MCM6: variants seen among roughly 807,000 people sequenced by gnomAD.
The protein encoded by MCM6 is DNA replication licensing factor MCM6.
In MCM6, 46 loss-of-function variants were observed where a neutral mutation model predicts 94.3. That is an observed-to-expected ratio of 0.49 (90% confidence interval 0.39 to 0.62). The LOEUF (loss-of-function observed/expected upper bound fraction) is 0.62. MCM6 is among the 20% of genes least tolerant of loss of function. The pLI is 0.00. For synonymous variants in MCM6, 335 were observed against 351.9 expected (o/e 0.95, Z 0.54); for missense variants, 865 against 1,017.9 (o/e 0.85, Z 2.04).
chr2:135,863,544 G>A (rs917759469), intron 7 of MCM6, among the ~76,000 whole-genome samples: 8 of 151,914 alleles, frequency 5.3e-5, no homozygotes, highest in Non-Finnish European at 1.2e-4. Flanking sequence ...CAGGCAACAC[G>A]GTAAAACCCC....
At chr2:135,876,097 C>T (rs879581205) in intron 1 of MCM6, among the ~76,000 whole-genome samples, 162 bp downstream of exon 1, 16 of 152,308 alleles carry the variant, frequency 1.1e-4, no homozygotes, top group Non-Finnish European at 1.6e-4. Context: ...AGGCTCCTCG[C>T]GGCCGCCGGG....
chr2:135,863,390 A>C (rs1680030128), intron 7 of MCM6, among the ~76,000 whole-genome samples: 2 of 152,220 alleles, frequency 1.3e-5, no homozygotes, highest in East Asian at 3.8e-4. Context: ...AGTGCTATGC[A>C]AAGTTACACA....
At chr2:135,874,594 GCAAA>G (rs1376701966) in intron 1 of MCM6, among the ~76,000 whole-genome samples, 1 of 152,188 alleles carries the variant, frequency 6.6e-6, no homozygotes, top group Non-Finnish European at 1.5e-5. Context: ...GAATGGATAA[GCAAA>G]ATGCAGTATA....
chr2:135,866,522 G>A (rs370882639), intron 5 of MCM6, 41 bp downstream of exon 5: 2 of 1,579,608 alleles, frequency 1.3e-6, no homozygotes, highest in South Asian at 1.2e-5. Flanking sequence ...TGCAGTTTAG[G>A]TAACTGAGAA....
chr2:135,845,059 GC>G (rs1300688798), intron 15 of MCM6, among the ~76,000 whole-genome samples: 3 of 152,192 alleles, frequency 2.0e-5, no homozygotes, highest in African/African-American at 7.2e-5. Context: ...TGAAGCAACA[GC>G]AAGCAAAAAT....
intron 1 of MCM6, among the ~76,000 whole-genome samples, chr2:135,875,032 G>A (rs1680269510): frequency 1.3e-5 from 2 of 152,174 alleles, no homozygotes. Flanking sequence ...GGGTAACGGA[G>A]GAGAGTTCGT....
In MCM6 at chr2:135,876,244, C is replaced by A. The variant is rs1472186748; in HGVS notation, c.107+15G>T. ...CTCCGGAGGCGGGCGAGGCCCGGGGCGCTCGCCGACTTACTCCTCCAAGAA... is the reference window on the plus strand; with the variant it reads ...CTCCGGAGGCGGGCGAGGCCCGGGGAGCTCGCCGACTTACTCCTCCAAGAA... On this transcript the variant is annotated intron_variant, in intron 1 of 16. Transcript: ENST00000264156. 1.3e-6 allele frequency: 2 copies of A among 1,574,302 alleles called. No homozygotes were observed. The highest frequency in any genetic ancestry group is 1.7e-6 in the Non-Finnish European group (2 of 1,164,096).
Position 135,857,924 on chromosome 2 carries a change from G to GCTTTA in MCM6, c.1442_1443insTAAAG (p.Ile482LysfsTer10). ...TCACTCCTGCTTTAGTGATGGATAT[G>GCTTTA]GTCTGCTGTTCCATAGCTTCATGAA... On this transcript the variant is annotated frameshift_variant, in exon 10 of 17. Transcript: ENST00000264156. LOFTEE classifies it high-confidence loss of function. 6.2e-7 allele frequency: 1 copy of GCTTTA among 1,613,882 alleles called. No individual in the cohort carries two copies. Among genetic ancestry groups the GCTTTA allele is most frequent in the East Asian group, 2.2e-5 (1 of 44,886 alleles).
Position 135,859,461 on chromosome 2 carries a change from TA to T in MCM6, c.1221-20del, listed in dbSNP as rs757738033. The T allele has an allele frequency of 6.3e-7, 1 of 1,578,148 alleles. No individual in the cohort carries two copies. The highest frequency in any genetic ancestry group is 1.1e-5 in the South Asian group (1 of 87,160). ...CACGTGCCTGTTCAAGGTTATCACA[TA>T]AAGACTCATTAATATGTGATTATAC... On this transcript the variant is annotated intron_variant, in intron 8 of 16. Coordinates refer to ENST00000264156, the MANE Select transcript of MCM6 (RefSeq NM_005915.6).
At chr2:135,865,990 T>C in intron 6 of MCM6, 142 bp downstream of exon 6, 2 of 950,664 alleles carry the variant, frequency 2.1e-6, no homozygotes, top group South Asian at 3.5e-5. Context: ...TAATCCCAGC[T>C]ACTCAGGAGG....
chr2:135,848,038 G>A lies in MCM6; in HGVS notation c.2053+15C>T, dbSNP rs143348934. On this transcript the variant is annotated intron_variant, in intron 14 of 16. Coordinates refer to ENST00000264156, the MANE Select transcript of MCM6 (RefSeq NM_005915.6). ...GTCCCTAACTCCAAAACAGTCACAT[G>A]AACAAGTATCTCACCATTGATGCCA... 8.7e-4 allele frequency: 1,381 copies of A among 1,594,516 alleles called. 5 individuals are homozygous for A. The highest frequency in any genetic ancestry group is 9.3e-4 in the Admixed American group (55 of 59,282).
chr2:135,853,212 T>G (rs1318336860), intron 11 of MCM6, among the ~76,000 whole-genome samples: 1 of 152,154 alleles, frequency 6.6e-6, no homozygotes, highest in Non-Finnish European at 1.5e-5. Context: ...TTTGGGAGAC[T>G]GATGTGAGAG....
intron 1 of MCM6, among the ~76,000 whole-genome samples, chr2:135,875,952 G>T (rs1680287701): frequency 6.6e-6 from 1 of 152,224 alleles, no homozygotes; most frequent in Non-Finnish European, 1.5e-5. Flanking sequence ...TTTCCGCGCC[G>T]GTCACCGAGG....
chr2:135,876,375 G>C lies in MCM6; in HGVS notation c.-10C>G. ...CCGCCGCGAGGTCCATATTTGCTTAGTGCCGAGGATTCGCCTGCGCCACGC... is the reference window on the plus strand; with the variant it reads ...CCGCCGCGAGGTCCATATTTGCTTACTGCCGAGGATTCGCCTGCGCCACGC... On this transcript the variant is annotated 5_prime_UTR_variant, in exon 1 of 17. Transcript: ENST00000264156. 1.3e-6 allele frequency: 2 copies of C among 1,596,446 alleles called. No homozygotes were observed. Among genetic ancestry groups the C allele is most frequent in the Non-Finnish European group, 1.7e-6 (2 of 1,174,740 alleles).
intron 11 of MCM6, 107 bp from the exon 12 acceptor site, chr2:135,853,022 A>C (rs913954864): frequency 3.4e-5 from 33 of 980,856 alleles, no homozygotes; most frequent in Non-Finnish European, 5.9e-6. Flanking sequence ...CTAATATACC[A>C]CTTAAAGAAG....
In MCM6 at chr2:135,846,340, G is replaced by C; in HGVS notation, c.2106C>G (p.Asp702Glu). Residue 702 changes from aspartate (D) to glutamate (E), a missense_variant, in exon 15 of 17, where the codon GAC becomes GAG. Transcript: ENST00000264156. ...CTTTGGGAGCAGACTCTTGATTTAT[G>C]TCTTCATTGTAGCCATTGATCCCGT... ...PVNGINGYNE[D>E]INQESAPKAS... 1.2e-6 allele frequency: 2 copies of C among 1,614,092 alleles called. No homozygotes were observed. The highest frequency in any genetic ancestry group is 1.7e-6 in the Non-Finnish European group (2 of 1,179,960).
Position 135,866,167 on chromosome 2 carries a change from A to G in MCM6, c.892T>C (p.Phe298Leu), listed in dbSNP as rs1298314217. 1 of 1,614,206 alleles carries G rather than the reference A, an allele frequency of 6.2e-7. No homozygotes were observed. Among genetic ancestry groups the G allele is most frequent in the Non-Finnish European group, 8.5e-7 (1 of 1,180,038 alleles). ...GTTGGCGCAACACAGCAGGCAAGAA[A>G]GACCAGCCTATAAGAAAGGTCCCTA... is the stretch of plus-strand genomic sequence containing the variant. Reference protein sequence around the residue: ...GVRDLSYRLVFLACCVAPTNP... With the variant: ...GVRDLSYRLVLLACCVAPTNP... The change falls in exon 6 of 17, where the codon TTT becomes CTT. Residue 298 changes from phenylalanine (F) to leucine (L), a missense_variant. Phe to Leu is a conservative substitution (Grantham distance 22, BLOSUM62 0). Coordinates refer to ENST00000264156, the MANE Select transcript of MCM6 (RefSeq NM_005915.6).
intron 16 of MCM6, among the ~76,000 whole-genome samples, chr2:135,842,863 T>C (rs1679599652): frequency 6.6e-6 from 1 of 152,046 alleles, no homozygotes; most frequent in Non-Finnish European, 1.5e-5. Context: ...GGTTACACTG[T>C]ATAATAGTTC....
Position 135,846,359 on chromosome 2 carries a change from A to G in MCM6, c.2087T>C (p.Ile696Thr), listed in dbSNP as rs763724793. 1.2e-6 allele frequency: 2 copies of G among 1,614,148 alleles called. No homozygotes were observed. Among genetic ancestry groups the G allele is most frequent in the South Asian group, 1.1e-5 (1 of 91,088 alleles). ...ATTTATGTCTTCATTGTAGCCATTGATCCCGTTCACAGGAGCAGGGCTGTC... is the reference window on the plus strand; with the variant it reads ...ATTTATGTCTTCATTGTAGCCATTGGTCCCGTTCACAGGAGCAGGGCTGTC... ...HADSPAPVNG[I>T]NGYNEDINQE... The change falls in exon 15 of 17, where the codon ATC becomes ACC. Residue 696 changes from isoleucine to threonine, a missense_variant. Physicochemically the swap from Ile to Thr is moderately conservative, Grantham distance 89. Around this residue, in one of 3 missense-constraint regions of MCM6, gnomAD observed 308 missense variants for 324.5 expected, o/e 0.95. Coordinates refer to ENST00000264156, the MANE Select transcript of MCM6 (RefSeq NM_005915.6).
Sources: allele counts gnomAD v4.1 joint callset (sites outside exome capture counted in the v4.1 genomes callset), GRCh38; gene constraint gnomAD v4.1.1; regional missense constraint gnomAD v4.1.1; transcripts MANE v1.5; gene names NCBI Gene and HGNC (gene_info 2026-07-23, HGNC 2026-07-21).